The following BLTP3A variants were observed in gnomAD, a reference collection of about 807,000 sequenced individuals.
BLTP3A encodes the protein bridge-like lipid transfer protein family member 3A, also known as ICBP90 binding protein 1.
At chr6:34,845,332 T>C in the BLTP3A span, among the ~76,000 whole-genome samples, 99 of 152,210 alleles carry the variant, frequency 6.5e-4, no homozygotes, top group African/African-American at 2.3e-3. Flanking sequence ...GGCTATTCTG[T>C]TTTTGTTTGT....
At chr6:34,874,058 G>A in the BLTP3A span, 3 of 152,194 alleles carry the variant, frequency 2.0e-5, no homozygotes, top group Admixed American at 1.3e-4. Flanking sequence ...AAGAAATAGA[G>A]ACTTAGGAAC....
At chr6:34,845,010 C>A in the BLTP3A span, among the ~76,000 whole-genome samples, 1 of 152,168 alleles carries the variant, frequency 6.6e-6, no homozygotes, top group African/African-American at 2.4e-5. Context: ...GTCTTTAATC[C>A]ATTTTGATTT....
chr6:34,867,826 A>G, the BLTP3A span, among the ~76,000 whole-genome samples: 1 of 152,186 alleles, frequency 6.6e-6, no homozygotes. Context: ...TCACTGTGCT[A>G]GTCTCCAACT....
the BLTP3A span, among the ~76,000 whole-genome samples, chr6:34,839,623 C>A: frequency 6.6e-6 from 1 of 152,138 alleles, no homozygotes; most frequent in African/African-American, 2.4e-5. Context: ...GGCAGATAGC[C>A]GAAAGAACAC....
the BLTP3A span, chr6:34,855,812 G>T: frequency 6.4e-7 from 1 of 1,558,420 alleles, no homozygotes. Context: ...AGATTGCAGT[G>T]CATGCTCAGA....
the BLTP3A span, among the ~76,000 whole-genome samples, chr6:34,792,909 A>G: frequency 6.6e-6 from 1 of 152,088 alleles, no homozygotes; most frequent in African/African-American, 2.4e-5. Flanking sequence ...ACCCTGTTGC[A>G]TCACCCTTGG....
chr6:34,809,924 A>G, the BLTP3A span, among the ~76,000 whole-genome samples: 1 of 152,178 alleles, frequency 6.6e-6, no homozygotes, highest in Non-Finnish European at 1.5e-5. Context: ...TGATTGACAC[A>G]TATTTTGTAT....
the BLTP3A span, chr6:34,834,931 C>A: frequency 6.4e-7 from 1 of 1,555,338 alleles, no homozygotes; most frequent in Non-Finnish European, 8.7e-7. Flanking sequence ...ATTTGGTATT[C>A]CCTTATTGTT....
At chr6:34,822,254 T>A in the BLTP3A span, among the ~76,000 whole-genome samples, 13 of 103,100 alleles carry the variant, frequency 1.3e-4, no homozygotes, top group East Asian at 5.2e-4. Context: ...TCCCTTGAAA[T>A]TTTTTTTTTT....
the BLTP3A span, among the ~76,000 whole-genome samples, chr6:34,825,440 TG>T: frequency 6.6e-6 from 1 of 152,222 alleles, no homozygotes; most frequent in South Asian, 2.1e-4. Context: ...CCCAGGTAGC[TG>T]GGATTACAGG....
the BLTP3A span, among the ~76,000 whole-genome samples, chr6:34,854,010 T>C: frequency 6.6e-6 from 1 of 152,128 alleles, no homozygotes; most frequent in African/African-American, 2.4e-5. Context: ...GATCACGAGC[T>C]CAGGAGTTCG....
chr6:34,866,964 C>G, the BLTP3A span, among the ~76,000 whole-genome samples: 2 of 152,106 alleles, frequency 1.3e-5, no homozygotes, highest in Admixed American at 6.5e-5. Flanking sequence ...TACCACATTG[C>G]TTATCCTTGC....
chr6:34,827,081 G>A, the BLTP3A span, among the ~76,000 whole-genome samples: 1 of 152,190 alleles, frequency 6.6e-6, no homozygotes, highest in East Asian at 1.9e-4. Context: ...GGGAGGCCAA[G>A]GCGGGTGGAT....
At chr6:34,851,365 C>T in the BLTP3A span, among the ~76,000 whole-genome samples, 1 of 152,216 alleles carries the variant, frequency 6.6e-6, no homozygotes, top group Non-Finnish European at 1.5e-5. Flanking sequence ...CATCAAGGGA[C>T]ACCCCAAGCC....
At chr6:34,856,622 C>G in the BLTP3A span, among the ~76,000 whole-genome samples, 7 of 152,294 alleles carry the variant, frequency 4.6e-5, no homozygotes, top group African/African-American at 1.7e-4. Flanking sequence ...AGACTGTTGC[C>G]TTGGTCTTAA....
the BLTP3A span, chr6:34,792,295 G>A: frequency 8.4e-6 from 13 of 1,542,616 alleles, no homozygotes; most frequent in Non-Finnish European, 1.1e-5. Context: ...ACCTGTCCCG[G>A]TGAGAGCGCC....
the BLTP3A span, among the ~76,000 whole-genome samples, chr6:34,811,622 G>T: frequency 6.6e-6 from 1 of 151,996 alleles, no homozygotes; most frequent in Non-Finnish European, 1.5e-5. Context: ...GGCTGAGGTG[G>T]GTGGATAACT....
the BLTP3A span, chr6:34,821,716 G>A: frequency 2.5e-6 from 4 of 1,614,034 alleles, no homozygotes; most frequent in Non-Finnish European, 3.4e-6. Context: ...AGGGTCAGCT[G>A]ACCAACCTGG....
chr6:34,842,007 C>T, the BLTP3A span, among the ~76,000 whole-genome samples: 1 of 152,130 alleles, frequency 6.6e-6, no homozygotes, highest in Non-Finnish European at 1.5e-5. Flanking sequence ...CATTTATATA[C>T]ACTATTTACC....
Sources: allele counts gnomAD v4.1 joint callset (sites outside exome capture counted in the v4.1 genomes callset), GRCh38; gene constraint gnomAD v4.1.1; transcripts MANE v1.5; gene names NCBI Gene and HGNC (gene_info 2026-07-23, HGNC 2026-07-21).